The following AGMO variants were observed in gnomAD, a reference collection of about 807,000 sequenced individuals.
The protein encoded by AGMO is alkylglycerol monooxygenase.
In AGMO, 75 loss-of-function variants were observed where a neutral mutation model predicts 60.2. That is an observed-to-expected ratio of 1.25 (90% CI 1.03 to 1.51). AGMO has a LOEUF of 1.51. Ranked by LOEUF, AGMO falls within the 40% of genes most tolerant of loss-of-function variation. AGMO has a pLI of 0.00. For synonymous variants in AGMO, 261 were observed against 177.1 expected (o/e 1.47, Z -3.76); for missense variants, 763 against 525.5 (o/e 1.45, Z -4.42).
At chr7:15,138,154 C>A in the AGMO span, among the ~76,000 whole-genome samples, 4 of 152,168 alleles carry the variant, frequency 2.6e-5, no homozygotes, top group Non-Finnish European at 5.9e-5. Context: ...GACATTTCCT[C>A]TTTTTAGTAC....
chr7:15,426,136 G>A (rs1781055458), intron 4 of AGMO, among the ~76,000 whole-genome samples: 1 of 152,136 alleles, frequency 6.6e-6, no homozygotes, highest in Non-Finnish European at 1.5e-5. Context: ...AATAACAGAT[G>A]TAAATTATTT....
chr7:15,461,016 C>A (rs900783491), intron 3 of AGMO, among the ~76,000 whole-genome samples: 6 of 151,916 alleles, frequency 3.9e-5, no homozygotes. Context: ...TACTGTGTGA[C>A]CTAGTTGTTG....
At chr7:15,499,514 G>A (rs1428993139) in intron 3 of AGMO, among the ~76,000 whole-genome samples, 1 of 151,944 alleles carries the variant, frequency 6.6e-6, no homozygotes, top group South Asian at 2.1e-4. Flanking sequence ...TGGAGAAGTT[G>A]TGAGAAAACT....
At chr7:15,421,048 G>A (rs554468868) in intron 4 of AGMO, among the ~76,000 whole-genome samples, 6 of 152,270 alleles carry the variant, frequency 3.9e-5, no homozygotes, top group South Asian at 4.1e-4. Flanking sequence ...CTAAGTGAAC[G>A]TGGCGAGCAG....
chr7:15,438,168 T>C (rs1443449204), intron 3 of AGMO, among the ~76,000 whole-genome samples: 1 of 152,074 alleles, frequency 6.6e-6, no homozygotes, highest in Non-Finnish European at 1.5e-5. Flanking sequence ...TTTGTTTTCA[T>C]ACAATCGAAA....
the AGMO span, among the ~76,000 whole-genome samples, chr7:15,148,904 G>A: frequency 2.0e-5 from 3 of 151,978 alleles, no homozygotes; most frequent in African/African-American, 7.2e-5. Context: ...TGCTGTCCAC[G>A]GTGGGTAAAA....
intron 3 of AGMO, among the ~76,000 whole-genome samples, chr7:15,447,501 C>G (rs901545212): frequency 6.6e-6 from 1 of 152,138 alleles, no homozygotes; most frequent in Non-Finnish European, 1.5e-5. Context: ...CATTCAGAAG[C>G]TGTGTGACCA....
chr7:15,231,967 CAAAATGCTCTT>C (rs1347802604), intron 12 of AGMO, among the ~76,000 whole-genome samples: 1 of 152,130 alleles, frequency 6.6e-6, no homozygotes. Flanking sequence ...GCACAGAAAA[CAAAATGCTCTT>C]AAAATGCTCT....
chr7:15,236,624 C>T (rs868442444), intron 12 of AGMO, among the ~76,000 whole-genome samples: 3 of 151,748 alleles, frequency 2.0e-5, no homozygotes, highest in East Asian at 1.9e-4. Flanking sequence ...GGCCAGTCAT[C>T]GATGATATTA....
At chr7:15,148,518 G>T in the AGMO span, among the ~76,000 whole-genome samples, 4 of 151,878 alleles carry the variant, frequency 2.6e-5, no homozygotes, top group East Asian at 1.9e-4. Flanking sequence ...GGAATCCATT[G>T]TTCCTCTCTT....
intron 5 of AGMO, among the ~76,000 whole-genome samples, chr7:15,403,077 A>T (rs568976776): frequency 1.3e-5 from 2 of 152,088 alleles, no homozygotes; most frequent in East Asian, 3.9e-4. Context: ...GGACTGATGA[A>T]AAAAATCACT....
rs71525649 is a variant in AGMO, at chr7:15,247,414, TCACACACACACACA to T, written c.1264-46069_1264-46056del. ...TTTGTTAATATATGACTTGGAGATT[TCACACACACACACA>T]CACACACACACACACACACACACAC... is the stretch of plus-strand genomic sequence containing the variant. On this transcript the variant is annotated intron_variant, in intron 12 of 12. Transcript: ENST00000342526. Among the ~76,000 whole-genome samples the T allele has an allele frequency of 2.2e-4, 27 of 123,740 alleles. No individual in the cohort carries two copies. The East Asian group carries it at 4.4e-3, about 20-fold the overall frequency. The allele number at this position is 123,740 out of a possible 152,430, so 81.2% of individuals were successfully genotyped here.
chr7:15,547,894 C>T (rs972267571), intron 2 of AGMO, among the ~76,000 whole-genome samples: 10 of 152,306 alleles, frequency 6.6e-5, no homozygotes, highest in Middle Eastern at 6.8e-3. Flanking sequence ...CAGCAGTAAC[C>T]TCTGCAGACT....
At chr7:15,235,468 A>G (rs1782389695) in intron 12 of AGMO, among the ~76,000 whole-genome samples, 1 of 152,152 alleles carries the variant, frequency 6.6e-6, no homozygotes, top group African/African-American at 2.4e-5. Context: ...TCCACTAGTG[A>G]GTAAGTTTGA....
chr7:15,214,922 T>G (rs2128494914), intron 12 of AGMO, among the ~76,000 whole-genome samples: 1 of 152,154 alleles, frequency 6.6e-6, no homozygotes, highest in African/African-American at 2.4e-5. Context: ...TGCCTACATC[T>G]TTTTGTATCT....
At position 15,375,517 on chromosome 7, in the gene AGMO, C is replaced by G. The variant is rs139580085; in HGVS notation, c.1075-9295G>C. 9.8e-3 allele frequency among the ~76,000 whole-genome samples: 1,482 copies of G among 151,398 alleles called. 23 individuals are homozygous for G. Among genetic ancestry groups the G allele is most frequent in the African/African-American group, 0.034 (1,411 of 41,120 alleles). The stretch of plus-strand genomic sequence containing the variant: ...GTTCAAGTGATTCTCTTGCCTCAGC[C>G]TCCAGAGTAGCTGGGATTACAGACA... On this transcript the variant is annotated intron_variant, in intron 10 of 12. Transcript: ENST00000342526.
At chr7:15,510,369 G>A (rs1020493676) in intron 3 of AGMO, among the ~76,000 whole-genome samples, 11 of 151,718 alleles carry the variant, frequency 7.3e-5, no homozygotes, top group African/African-American at 2.7e-4. Flanking sequence ...GTACAGACAG[G>A]ATGGTGCCAT....
intron 3 of AGMO, among the ~76,000 whole-genome samples, chr7:15,483,403 A>G (rs1039781138): frequency 8.4e-6 from 1 of 118,496 alleles, no homozygotes; most frequent in African/African-American, 2.5e-5. Context: ...CGTCTCTACT[A>G]AAAATACAAA....
At chr7:15,307,864 T>C (rs977082081) in intron 12 of AGMO, among the ~76,000 whole-genome samples, 2 of 152,060 alleles carry the variant, frequency 1.3e-5, no homozygotes, top group Non-Finnish European at 2.9e-5. Context: ...ATAAGACCCA[T>C]ACCTCCTTCA....
Sources: allele counts gnomAD v4.1 joint callset (sites outside exome capture counted in the v4.1 genomes callset), GRCh38; gene constraint gnomAD v4.1.1; transcripts MANE v1.5; gene names NCBI Gene and HGNC (gene_info 2026-07-23, HGNC 2026-07-21).